The following SGCZ variants were observed in gnomAD, a reference collection of about 807,000 sequenced individuals.
SGCZ encodes the protein zeta-sarcoglycan.
Under a neutral mutation model 41.3 loss-of-function variants are expected in SGCZ, and 40 were observed. The ratio of observed to expected loss-of-function variants is 0.97; its 90% CI spans 0.75 to 1.26. The LOEUF (loss-of-function observed/expected upper bound fraction) is 1.26. Ranked by LOEUF, SGCZ falls within the 50% of genes most tolerant of loss-of-function variation. The pLI is 0.00. For synonymous variants in SGCZ, 206 were observed against 137.5 expected (o/e 1.50, Z -3.49); for missense variants, 552 against 369.8 (o/e 1.49, Z -4.04).
At chr8:14,713,428 T>C (rs539479190) in intron 1 of SGCZ, among the ~76,000 whole-genome samples, 87 of 152,226 alleles carry the variant, frequency 5.7e-4, no homozygotes, top group African/African-American at 2.0e-3. Context: ...GAAAAAAGTA[T>C]AAAATCAGGA....
intron 2 of SGCZ, among the ~76,000 whole-genome samples, chr8:14,418,490 T>A (rs1799556286): frequency 6.6e-6 from 1 of 151,956 alleles, no homozygotes; most frequent in African/African-American, 2.4e-5. Flanking sequence ...TCTGAAAAAC[T>A]GCTTTTATAG....
At chr8:14,835,830 T>A (rs546144130) in intron 1 of SGCZ, among the ~76,000 whole-genome samples, 1 of 152,308 alleles carries the variant, frequency 6.6e-6, no homozygotes, top group Non-Finnish European at 1.5e-5. Flanking sequence ...GGGAAATGTT[T>A]TCAGTAGAAA....
chr8:14,310,448 A>G (rs534572473), intron 3 of SGCZ, among the ~76,000 whole-genome samples: 2 of 152,252 alleles, frequency 1.3e-5, no homozygotes, highest in South Asian at 4.1e-4. Context: ...GGTTTATAAA[A>G]AATGTAACAT....
intron 1 of SGCZ, among the ~76,000 whole-genome samples, chr8:14,818,038 T>C (rs944876248): frequency 6.6e-6 from 1 of 152,200 alleles, no homozygotes; most frequent in Non-Finnish European, 1.5e-5. Context: ...TCTGACTCTC[T>C]GGACAGAGTG....
chr8:14,605,646 C>T (rs769102418), intron 1 of SGCZ, among the ~76,000 whole-genome samples: 2 of 152,108 alleles, frequency 1.3e-5, no homozygotes, highest in Non-Finnish European at 2.9e-5. Flanking sequence ...CAAATTGGTA[C>T]ATTCTAGAAT....
intron 3 of SGCZ, among the ~76,000 whole-genome samples, chr8:14,307,274 C>T (rs1801380239): frequency 6.6e-6 from 1 of 152,108 alleles, no homozygotes; most frequent in Admixed American, 6.6e-5. Context: ...TGGTTCAAGA[C>T]TAGACCATGT....
At chr8:14,262,256 C>T (rs755379626) in intron 3 of SGCZ, among the ~76,000 whole-genome samples, 50 of 152,130 alleles carry the variant, frequency 3.3e-4, no homozygotes, top group African/African-American at 9.7e-4. Context: ...AGGTCGAATG[C>T]TACAAAAGTG....
At chr8:14,531,182 C>CT (rs1161006796) in intron 2 of SGCZ, among the ~76,000 whole-genome samples, 2 of 151,816 alleles carry the variant, frequency 1.3e-5, no homozygotes, top group Admixed American at 1.3e-4. Flanking sequence ...CTAAATGTTG[C>CT]TTTTTCCAAG....
At chr8:15,066,783 A>G (rs1179976217) in intron 1 of SGCZ, among the ~76,000 whole-genome samples, 1 of 152,164 alleles carries the variant, frequency 6.6e-6, no homozygotes, top group African/African-American at 2.4e-5. Flanking sequence ...CTAGTCTCTT[A>G]CTAAGATTTT....
In SGCZ at chr8:14,452,758, A is replaced by C. The variant is rs555038896; in HGVS notation, c.234+101974T>G. On this transcript the variant is annotated intron_variant, in intron 2 of 7. Coordinates refer to ENST00000382080, the MANE Select transcript of SGCZ (RefSeq NM_139167.4). ...TGCTTTCAATCAAAATATTCTGTTA[A>C]AAATAAAATTAATTCAAAAGGCAGG... Among the ~76,000 whole-genome samples, 5 of 152,244 alleles carry C rather than the reference A, an allele frequency of 3.3e-5. No individual in the cohort carries two copies. In the South Asian group the frequency reaches 1.0e-3, roughly 32 times the overall value.
intron 2 of SGCZ, among the ~76,000 whole-genome samples, chr8:14,467,739 TC>T (rs1248513182): frequency 1.3e-5 from 2 of 151,958 alleles, no homozygotes; most frequent in Admixed American, 1.3e-4. Flanking sequence ...TCCAGAATCC[TC>T]CTCATGTGCT....
At position 15,193,163 on chromosome 8, in the gene SGCZ, T is replaced by C. The variant is rs571869310; in HGVS notation, c.39+44422A>G. Reference sequence around the variant, plus strand: ...ATCCTTTGAGCAAGTCTCCTGATTCTAATAGTTTAATGTATTATTTCTCTT... The same window carrying C: ...ATCCTTTGAGCAAGTCTCCTGATTCCAATAGTTTAATGTATTATTTCTCTT... On this transcript the variant is annotated intron_variant, in intron 1 of 7. Transcript: ENST00000382080. Among the ~76,000 whole-genome samples, 4 of 152,164 alleles carry C rather than the reference T, an allele frequency of 2.6e-5. No individual in the cohort carries two copies. The South Asian group carries it at 6.2e-4, about 24-fold the overall frequency.
intron 1 of SGCZ, among the ~76,000 whole-genome samples, chr8:14,725,888 T>C (rs1269862970): frequency 6.6e-6 from 1 of 152,206 alleles, no homozygotes; most frequent in Non-Finnish European, 1.5e-5. Context: ...AAAGTAGATA[T>C]GTTACAATAC....
intron 1 of SGCZ, among the ~76,000 whole-genome samples, chr8:15,159,915 A>G (rs1194978081): frequency 1.3e-5 from 2 of 151,704 alleles, no homozygotes; most frequent in African/African-American, 4.8e-5. Flanking sequence ...CTTTGTGCCA[A>G]TAGGCACTTA....
At chr8:14,598,584 TG>T in intron 1 of SGCZ, among the ~76,000 whole-genome samples, 1 of 151,944 alleles carries the variant, frequency 6.6e-6, no homozygotes, top group East Asian at 1.9e-4. Flanking sequence ...TGGAGTGCAG[TG>T]GTGCAATCGT....
At chr8:14,379,312 T>C (rs1804266847) in intron 2 of SGCZ, among the ~76,000 whole-genome samples, 1 of 152,164 alleles carries the variant, frequency 6.6e-6, no homozygotes, top group African/African-American at 2.4e-5. Context: ...CGTAAGTCAA[T>C]AGCCTTCATA....
At chr8:14,922,958 T>G (rs1323642710) in intron 1 of SGCZ, among the ~76,000 whole-genome samples, 1 of 152,244 alleles carries the variant, frequency 6.6e-6, no homozygotes, top group Non-Finnish European at 1.5e-5. Flanking sequence ...TCATCAGTTC[T>G]TAGCATTGAC....
intron 1 of SGCZ, among the ~76,000 whole-genome samples, chr8:14,642,733 A>G (rs1807067894): frequency 6.6e-6 from 1 of 151,482 alleles, no homozygotes; most frequent in South Asian, 2.1e-4. Context: ...TGTTGGTCAG[A>G]TTTATAGATT....
intron 2 of SGCZ, among the ~76,000 whole-genome samples, chr8:14,507,480 C>A (rs555588168): frequency 6.6e-6 from 1 of 152,316 alleles, no homozygotes; most frequent in South Asian, 2.1e-4. Context: ...TCCAATATCT[C>A]ATTTAAGCCA....
Sources: allele counts gnomAD v4.1 joint callset (sites outside exome capture counted in the v4.1 genomes callset), GRCh38; gene constraint gnomAD v4.1.1; transcripts MANE v1.5; gene names NCBI Gene and HGNC (gene_info 2026-07-23, HGNC 2026-07-21).